The following KCNT2 variants were observed in gnomAD, a reference collection of about 807,000 sequenced individuals.
The protein encoded by KCNT2 is potassium sodium-activated channel subfamily T member 2.
KCNT2 carries 67 observed loss-of-function variants against 153.8 expected under a neutral mutation model. The ratio of observed to expected loss-of-function variants is 0.44; its 90% confidence interval spans 0.36 to 0.53. KCNT2 has a LOEUF of 0.53. Ranked by LOEUF, KCNT2 falls within the 20% of genes least tolerant of loss-of-function variation. The probability of loss-of-function intolerance (pLI) is 0.00; values close to 1 mark genes in which losing one functional copy is unlikely to be tolerated. For missense variants in KCNT2, 975 were observed against 1,354.8 expected (o/e 0.72, Z 4.40); for synonymous variants, 500 against 458.8 (o/e 1.09, Z -1.15).
intron 2 of KCNT2, 31 bp downstream of exon 2, chr1:196,492,231 C>G: frequency 7.2e-7 from 1 of 1,379,896 alleles, no homozygotes; most frequent in African/African-American, 1.5e-5. Flanking sequence ...AATATATGTA[C>G]GAACAGAGGG....
chr1:196,435,270 C>G (rs915923146), intron 8 of KCNT2, among the ~76,000 whole-genome samples: 56 of 145,618 alleles, frequency 3.8e-4, no homozygotes, highest in Non-Finnish European at 7.2e-4. Context: ...GGACTGTTTA[C>G]TTAACATAAT....
At chr1:196,449,607 C>G (rs940553318) in intron 8 of KCNT2, among the ~76,000 whole-genome samples, 2 of 151,538 alleles carry the variant, frequency 1.3e-5, no homozygotes, top group African/African-American at 4.8e-5. Context: ...AATCAAAATA[C>G]TTTAAAATAT....
intron 8 of KCNT2, among the ~76,000 whole-genome samples, chr1:196,457,639 A>C (rs916420339): frequency 3.3e-5 from 5 of 151,994 alleles, no homozygotes; most frequent in Admixed American, 2.6e-4. Flanking sequence ...TATTAAGAAC[A>C]ACCTAGATAG....
intron 1 of KCNT2, among the ~76,000 whole-genome samples, chr1:196,564,567 G>T (rs960186000): frequency 6.6e-6 from 1 of 151,734 alleles, no homozygotes; most frequent in Non-Finnish European, 1.5e-5. Context: ...AAGAAAAAAA[G>T]TCAAAGGAAC....
intron 14 of KCNT2, among the ~76,000 whole-genome samples, chr1:196,352,250 C>A (rs1360793950): frequency 1.3e-5 from 2 of 151,948 alleles, no homozygotes; most frequent in African/African-American, 2.4e-5. Context: ...CCCTCTTTTT[C>A]TATTGATTGG....
intron 22 of KCNT2, among the ~76,000 whole-genome samples, chr1:196,294,278 T>C (rs1208177921): frequency 6.6e-6 from 1 of 152,102 alleles, no homozygotes; most frequent in African/African-American, 2.4e-5. Flanking sequence ...CCATTATGTT[T>C]TGTTTTTTTG....
intron 26 of KCNT2, among the ~76,000 whole-genome samples, chr1:196,242,216 T>C (rs1338564646): frequency 6.6e-6 from 1 of 152,118 alleles, no homozygotes. Context: ...AGGAACATAG[T>C]GTACATTTAT....
chr1:196,312,679 C>T (rs900110196), intron 21 of KCNT2, among the ~76,000 whole-genome samples: 1 of 151,742 alleles, frequency 6.6e-6, no homozygotes, highest in African/African-American at 2.4e-5. Context: ...CTATCAAAGT[C>T]TTAGGCCTTA....
At chr1:196,229,214 A>T (rs1653738130) in intron 27 of KCNT2, among the ~76,000 whole-genome samples, 1 of 151,888 alleles carries the variant, frequency 6.6e-6, no homozygotes, top group African/African-American at 2.4e-5. Context: ...CGTTGGAGAC[A>T]TTTTTTCCAG....
chr1:196,437,765 G>GA (rs969806259), intron 8 of KCNT2, among the ~76,000 whole-genome samples: 1 of 150,876 alleles, frequency 6.6e-6, no homozygotes, highest in African/African-American at 2.4e-5. Flanking sequence ...TTTTGTAATG[G>GA]AAAAAAGCTA....
intron 26 of KCNT2, among the ~76,000 whole-genome samples, chr1:196,237,699 T>C (rs1348382950): frequency 1.3e-5 from 2 of 151,840 alleles, no homozygotes; most frequent in Non-Finnish European, 2.9e-5. Flanking sequence ...CACTAAAATA[T>C]CTTTGTTGTT....
chr1:196,466,515 A>T (rs1484383139), intron 7 of KCNT2, among the ~76,000 whole-genome samples: 1 of 152,070 alleles, frequency 6.6e-6, no homozygotes, highest in Non-Finnish European at 1.5e-5. Flanking sequence ...ATTTAAATGG[A>T]AAATAACTTT....
At chr1:196,384,249 A>G (rs1051680726) in intron 13 of KCNT2, among the ~76,000 whole-genome samples, 2 of 152,202 alleles carry the variant, frequency 1.3e-5, no homozygotes, top group East Asian at 1.9e-4. Context: ...ACAGTAAGCT[A>G]TAAATCCTCA....
chr1:196,584,934 G>A (rs963220324), intron 1 of KCNT2, among the ~76,000 whole-genome samples: 2 of 152,004 alleles, frequency 1.3e-5, no homozygotes, highest in Non-Finnish European at 2.9e-5. Flanking sequence ...GATGAACTCC[G>A]AATGGAGAGG....
chr1:196,532,204 G>A (rs553701624), intron 1 of KCNT2, among the ~76,000 whole-genome samples: 2 of 152,010 alleles, frequency 1.3e-5, no homozygotes, highest in African/African-American at 4.8e-5. Flanking sequence ...CAAAGCATCA[G>A]TTTGGCATAA....
chr1:196,389,976 T>C (rs1670330421), intron 13 of KCNT2, among the ~76,000 whole-genome samples: 1 of 151,598 alleles, frequency 6.6e-6, no homozygotes, highest in South Asian at 2.1e-4. Context: ...GATTCTTTGG[T>C]TGTTTTTAGC....
At chr1:196,578,911 G>T (rs1661693252) in intron 1 of KCNT2, among the ~76,000 whole-genome samples, 1 of 151,902 alleles carries the variant, frequency 6.6e-6, no homozygotes, top group African/African-American at 2.4e-5. Flanking sequence ...TTATTTTTTA[G>T]ACCACTTTTA....
intron 25 of KCNT2, among the ~76,000 whole-genome samples, chr1:196,275,134 A>G (rs1658432353): frequency 6.6e-6 from 1 of 151,818 alleles, no homozygotes; most frequent in Non-Finnish European, 1.5e-5. Context: ...GCCTTTTGAC[A>G]TTTTATACTT....
At chr1:196,404,856 C>T (rs1006305169) in intron 12 of KCNT2, among the ~76,000 whole-genome samples, 2 of 151,734 alleles carry the variant, frequency 1.3e-5, no homozygotes, top group South Asian at 4.2e-4. Context: ...ATATTTACTT[C>T]ATATTGATAG....
Sources: allele counts gnomAD v4.1 joint callset (sites outside exome capture counted in the v4.1 genomes callset), GRCh38; gene constraint gnomAD v4.1.1; transcripts MANE v1.5; gene names NCBI Gene and HGNC (gene_info 2026-07-23, HGNC 2026-07-21).